Variants in CCNDBP1 observed in about 807,000 individuals in gnomAD.
CCNDBP1 encodes the protein cyclin D1 binding protein 1.
Under a neutral mutation model 46.2 loss-of-function variants are expected in CCNDBP1, and 45 were observed. The ratio of observed to expected loss-of-function variants is 0.97; its 90% CI spans 0.77 to 1.25. The LOEUF (loss-of-function observed/expected upper bound fraction) is 1.25, where lower values mean the gene tolerates loss of function less well. CCNDBP1 is among the 50% of genes most tolerant of loss of function. The pLI, the probability that CCNDBP1 is intolerant of heterozygous loss-of-function variation, is 0.00. For missense variants in CCNDBP1, 436 were observed against 442.1 expected, an observed-to-expected ratio of 0.99 and a Z score of 0.12; for synonymous variants, 154 against 163.6, an observed-to-expected ratio of 0.94 and a Z score of 0.45.
At chr15:43,189,115 GAAAAGA>G (rs937438203) in intron 3 of CCNDBP1, 78 bp from the exon 4 acceptor site, 14 of 303,158 alleles carry the variant, frequency 4.6e-5, no homozygotes, top group Non-Finnish European at 8.5e-5. Context: ...GAAAAAGAAA[GAAAAGA>G]AAAAGAAAAG....
chr15:43,191,314 C>A (rs1214352887), intron 7 of CCNDBP1, 81 bp from the exon 8 acceptor site: 2 of 1,386,438 alleles, frequency 1.4e-6, no homozygotes, highest in African/African-American at 1.5e-5. Context: ...ACTAAGACAT[C>A]GTGGTAAAAG....
chr15:43,194,046 C>CT (rs748207621), intron 9 of CCNDBP1: 4,594 of 50,098 alleles, frequency 0.092, 1,493 homozygotes, highest in East Asian at 0.21. Flanking sequence ...TCTTAATGCG[C>CT]TTTTTTTTTT....
At chr15:43,194,046 CT>C (rs748207621) in intron 9 of CCNDBP1, 1,195 of 50,128 alleles carry the variant, frequency 0.024, no homozygotes, top group Non-Finnish European at 0.035. Flanking sequence ...TCTTAATGCG[CT>C]TTTTTTTTTT....
At chr15:43,192,646 C>T (rs1423259150) in intron 8 of CCNDBP1, 97 bp from the exon 9 acceptor site, 2 of 1,116,168 alleles carry the variant, frequency 1.8e-6, no homozygotes, top group Non-Finnish European at 2.7e-6. Context: ...ACAGGCATTT[C>T]TGGGACAGTT....
chr15:43,192,474 G>A (rs2041969484), intron 8 of CCNDBP1, among the ~76,000 whole-genome samples: 1 of 152,116 alleles, frequency 6.6e-6, no homozygotes, highest in Non-Finnish European at 1.5e-5. Flanking sequence ...TAAACTGATG[G>A]TTTCACATCC....
chr15:43,191,114 C>T (rs2041942623), intron 7 of CCNDBP1, 72 bp downstream of exon 7: 1 of 1,256,454 alleles, frequency 8.0e-7, no homozygotes, highest in Non-Finnish European at 1.2e-6. Flanking sequence ...AGAGAGATTT[C>T]CTGAGCATTG....
At chr15:43,192,158 G>T (rs1326319658) in intron 8 of CCNDBP1, among the ~76,000 whole-genome samples, 1 of 152,152 alleles carries the variant, frequency 6.6e-6, no homozygotes, top group African/African-American at 2.4e-5. Context: ...TTGAAATCTA[G>T]AACAGTTCCT....
At position 43,194,415 on chromosome 15, in the gene CCNDBP1, T is replaced by G; in HGVS notation, c.922T>G (p.Ser308Ala). 6.2e-7 allele frequency: 1 copy of G among 1,604,474 alleles called. No individual in the cohort carries two copies. Among genetic ancestry groups the G allele is most frequent in the Non-Finnish European group, 8.5e-7 (1 of 1,177,308 alleles). Residue 308 changes from serine (S) to alanine (A), a missense_variant and splice_region_variant, in exon 10 of 11, where the codon TCT (serine) becomes GCT (alanine). Ser to Ala is a moderately conservative substitution (Grantham distance 99, BLOSUM62 1). Transcript: ENST00000300213. ...PMCHLTVRIN[S>A]AKLVSVLKKA... The stretch of plus-strand genomic sequence containing the variant: ...AATAACTTCTGTGTTTCTTTTCTAG[T>G]CTGCGAAACTTGTATCTGTTTTAAA...
At chr15:43,193,298 A>G (rs2142239431) in intron 9 of CCNDBP1, 1 of 124,368 alleles carries the variant, frequency 8.0e-6, no homozygotes, top group Non-Finnish European at 1.6e-5. Flanking sequence ...GCGCCACTGC[A>G]CTCCAGCCTG....
chr15:43,190,393 C>T lies in CCNDBP1; in HGVS notation c.497C>T (p.Pro166Leu). 1 of 1,613,870 alleles carries T rather than the reference C, an allele frequency of 6.2e-7. No homozygotes were observed. Among genetic ancestry groups the T allele is most frequent in the Non-Finnish European group, 8.5e-7 (1 of 1,179,832 alleles). ...WVACQQMPQI[P>L]RDNKAAALLM... is the part of the protein sequence containing the mutation. ...GCGTGCCAGCAGATGCCTCAGATAC[C>T]AAGAGGTGAGTGAAAGTGGGCAGTG... The change falls in exon 6 of 11, where the codon CCA (proline) becomes CTA (leucine). Residue 166 changes from proline to leucine, a missense_variant. Transcript: ENST00000300213.
Position 43,191,509 on chromosome 15 carries a change from T to C in CCNDBP1, c.694T>C (p.Tyr232His), listed in dbSNP as rs1426899825. The change falls in exon 8 of 11, where the codon TAT becomes CAT. Residue 232 changes from tyrosine (Y) to histidine (H), a missense_variant. Coordinates refer to ENST00000300213, the MANE Select transcript of CCNDBP1 (RefSeq NM_012142.5). The stretch of plus-strand genomic sequence containing the variant: ...GGGGTTTCCCAGCAATCAGGACTTG[T>C]ATTGGTCAGAGGACGATCAAGAGCT... ...VLGFPSNQDL[Y>H]WSEDDQELII... 7.4e-6 allele frequency: 12 copies of C among 1,614,068 alleles called. No homozygotes were observed. Among genetic ancestry groups the C allele is most frequent in the African/African-American group, 1.3e-5 (1 of 75,002 alleles).
At position 43,185,789 on chromosome 15, in the gene CCNDBP1, C is replaced by A; in HGVS notation, c.110-31C>A. 4 of 1,605,878 alleles carry A rather than the reference C, an allele frequency of 2.5e-6. No homozygotes were observed. The South Asian group carries it at 4.4e-5, about 18-fold the overall frequency. The stretch of plus-strand genomic sequence containing the variant: ...CTTACCTCAGCTTTTCCATTCGCCA[C>A]CGTTCGGCCCCCACACGCCACACCC... On this transcript the variant is annotated intron_variant, in intron 1 of 10. Transcript: ENST00000300213.
rs2041976888 is a variant in CCNDBP1 at position 43,192,805 on chromosome 15, TAA to T, written c.921+3_921+4del. On this transcript the variant is annotated splice_donor_region_variant and intron_variant, in intron 9 of 10. Transcript: ENST00000300213. ...TGTCACCTGACCGTGCGAATCAATG[TAA>T]GTACTGGCTTTGAGGGAATAGCTAC... is the stretch of plus-strand genomic sequence containing the variant. 6.2e-7 allele frequency: 1 copy of T among 1,613,546 alleles called. No individual in the cohort carries two copies. Among genetic ancestry groups the T allele is most frequent in the African/African-American group, 1.3e-5 (1 of 74,930 alleles).
At chr15:43,191,194 A>C in intron 7 of CCNDBP1, 152 bp downstream of exon 7, 1 of 814,300 alleles carries the variant, frequency 1.2e-6, no homozygotes, top group South Asian at 1.7e-5. Flanking sequence ...TGTTTGATTT[A>C]GTACCACTCC....
chr15:43,194,680 T>G, intron 10 of CCNDBP1, 47 bp from the exon 11 acceptor site: 1 of 1,418,878 alleles, frequency 7.0e-7, no homozygotes, highest in East Asian at 2.3e-5. Flanking sequence ...GGTTTTCCCT[T>G]GACATCCTAA....
chr15:43,193,639 CTGTG>C (rs2041995717), intron 9 of CCNDBP1, among the ~76,000 whole-genome samples: 1 of 152,136 alleles, frequency 6.6e-6, no homozygotes, highest in Non-Finnish European at 1.5e-5. Context: ...CTTTGAGGTT[CTGTG>C]CCCTTTACTA....
At chr15:43,193,828 C>T (rs1381278669) in intron 9 of CCNDBP1, among the ~76,000 whole-genome samples, 1 of 151,978 alleles carries the variant, frequency 6.6e-6, no homozygotes, top group Non-Finnish European at 1.5e-5. Flanking sequence ...GAATAGGATC[C>T]TTTTGGGCAT....
chr15:43,190,303 C>A, intron 5 of CCNDBP1, 22 bp from the exon 6 acceptor site: 1 of 1,612,304 alleles, frequency 6.2e-7, no homozygotes, highest in Non-Finnish European at 8.5e-7. Flanking sequence ...ATTAATATAT[C>A]CTTACTGATT....
chr15:43,189,564 G>A, intron 4 of CCNDBP1: 1 of 381,990 alleles, frequency 2.6e-6, no homozygotes. Flanking sequence ...CACAGATACT[G>A]GCTGGCTCTC....
Sources: allele counts gnomAD v4.1 joint callset (sites outside exome capture counted in the v4.1 genomes callset), GRCh38; gene constraint gnomAD v4.1.1; transcripts MANE v1.5; gene names NCBI Gene and HGNC (gene_info 2026-07-23, HGNC 2026-07-21).